Variants in RABGAP1L observed in about 807,000 individuals in gnomAD.
The protein encoded by RABGAP1L is rab GTPase-activating protein 1-like.
RABGAP1L carries 63 observed loss-of-function variants against 137.7 expected under a neutral mutation model. That is an observed-to-expected ratio of 0.46 (90% CI 0.37 to 0.56). The LOEUF (loss-of-function observed/expected upper bound fraction) is 0.56, where lower values mean the gene tolerates loss of function less well. RABGAP1L is among the 20% of genes least tolerant of loss of function. RABGAP1L has a pLI of 0.00. For synonymous variants in RABGAP1L, 431 were observed against 433.7 expected (o/e 0.99, Z 0.08); for missense variants, 1,095 against 1,244.0 (o/e 0.88, Z 1.80).
chr1:174,543,821 C>T (rs1045885289), intron 13 of RABGAP1L, among the ~76,000 whole-genome samples: 6 of 152,156 alleles, frequency 3.9e-5, no homozygotes, highest in Non-Finnish European at 8.8e-5. Flanking sequence ...ATTTGCTTGT[C>T]TGTAAAGGAT....
intron 19 of RABGAP1L, among the ~76,000 whole-genome samples, chr1:174,939,963 C>T (rs759144740): frequency 6.6e-6 from 1 of 152,182 alleles, no homozygotes. Context: ...CTGCTTTAGG[C>T]ATCTACTAAG....
chr1:174,579,294 G>A (rs930241773), intron 13 of RABGAP1L, among the ~76,000 whole-genome samples: 2 of 152,114 alleles, frequency 1.3e-5, no homozygotes, highest in Non-Finnish European at 2.9e-5. Context: ...GAGACCAGAT[G>A]ACTAGTAGGC....
intron 19 of RABGAP1L, among the ~76,000 whole-genome samples, chr1:174,918,362 C>T (rs1661218903): frequency 6.6e-6 from 1 of 152,112 alleles, no homozygotes; most frequent in Non-Finnish European, 1.5e-5. Context: ...TATCTATAAT[C>T]TGTACATTTC....
intron 21 of RABGAP1L, 111 bp from the exon 22 acceptor site, chr1:174,975,967 G>A: frequency 1.1e-6 from 1 of 941,498 alleles, no homozygotes. Flanking sequence ...ATAATGACTT[G>A]CAATAATTTT....
At chr1:174,559,228 T>A (rs1185556113) in intron 13 of RABGAP1L, among the ~76,000 whole-genome samples, 3 of 152,236 alleles carry the variant, frequency 2.0e-5, no homozygotes, top group Non-Finnish European at 2.9e-5. Context: ...GCTCATATTA[T>A]CATAAGTCTT....
At chr1:174,673,945 A>T (rs1024686921) in intron 14 of RABGAP1L, among the ~76,000 whole-genome samples, 4 of 152,196 alleles carry the variant, frequency 2.6e-5, no homozygotes, top group African/African-American at 9.6e-5. Context: ...GTCATCAATA[A>T]ATCCCATAGT....
intron 18 of RABGAP1L, among the ~76,000 whole-genome samples, chr1:174,771,315 C>T (rs1204005059): frequency 1.3e-5 from 2 of 152,060 alleles, no homozygotes; most frequent in Non-Finnish European, 2.9e-5. Flanking sequence ...TATGTCATGC[C>T]AGCTGTGTCA....
chr1:174,389,236 C>T (rs553050510), intron 12 of RABGAP1L, among the ~76,000 whole-genome samples: 4 of 152,084 alleles, frequency 2.6e-5, no homozygotes, highest in South Asian at 2.1e-4. Flanking sequence ...GAGAAATCTC[C>T]GACCTTTCTT....
At chr1:174,344,519 T>TA (rs1232574090) in intron 11 of RABGAP1L, among the ~76,000 whole-genome samples, 2 of 152,344 alleles carry the variant, frequency 1.3e-5, no homozygotes, top group East Asian at 3.9e-4. Context: ...ATTTAGTGAT[T>TA]ACCTTGGTGT....
chr1:174,984,016 G>T (rs551802475), intron 24 of RABGAP1L, among the ~76,000 whole-genome samples: 1 of 147,302 alleles, frequency 6.8e-6, no homozygotes, highest in East Asian at 2.0e-4. Context: ...GCATAAAGGG[G>T]TTAACTCTCC....
At chr1:174,672,802 T>A (rs954769463) in intron 14 of RABGAP1L, among the ~76,000 whole-genome samples, 3 of 152,184 alleles carry the variant, frequency 2.0e-5, no homozygotes, top group African/African-American at 7.2e-5. Context: ...AGTTTTATAC[T>A]ACGGTTGGAG....
chr1:174,677,413 A>G (rs1677723166), intron 14 of RABGAP1L, among the ~76,000 whole-genome samples: 1 of 152,202 alleles, frequency 6.6e-6, no homozygotes, highest in Non-Finnish European at 1.5e-5. Flanking sequence ...ATAGCATAAC[A>G]CCTCTGTTAC....
intron 13 of RABGAP1L, among the ~76,000 whole-genome samples, chr1:174,467,472 A>G (rs1464571620): frequency 1.3e-5 from 2 of 152,096 alleles, no homozygotes; most frequent in African/African-American, 4.8e-5. Flanking sequence ...TCACTTAGCC[A>G]TGATTCTCAG....
At chr1:174,324,982 TTAAG>T (rs986325448) in intron 11 of RABGAP1L, among the ~76,000 whole-genome samples, 6 of 152,172 alleles carry the variant, frequency 3.9e-5, no homozygotes, top group African/African-American at 7.2e-5. Flanking sequence ...AGAACAGTGT[TTAAG>T]TAACTCTTTT....
intron 13 of RABGAP1L, chr1:174,545,285 T>G (rs931290287): frequency 6.6e-6 from 1 of 151,942 alleles, no homozygotes; most frequent in Non-Finnish European, 1.5e-5. Flanking sequence ...TTTGTTTACC[T>G]ACTCAAGCTT....
chr1:174,903,958 A>AG (rs2149168677), intron 19 of RABGAP1L, among the ~76,000 whole-genome samples: 1 of 148,966 alleles, frequency 6.7e-6, no homozygotes, highest in East Asian at 1.9e-4. Context: ...CTCAAAAGAA[A>AG]AAAAAAAAAA....
intron 19 of RABGAP1L, among the ~76,000 whole-genome samples, chr1:174,866,988 T>G (rs563341835): frequency 1.1e-4 from 16 of 152,104 alleles, no homozygotes; most frequent in Admixed American, 6.5e-4. Flanking sequence ...CTGTGGAAAC[T>G]GAGGTGGGAG....
chr1:174,545,532 C>T (rs1665933027), intron 13 of RABGAP1L: 1 of 121,074 alleles, frequency 8.3e-6, no homozygotes. Flanking sequence ...AAAGGGAATT[C>T]CCCAACCCCT....
chr1:174,445,456 T>G (rs943677321), intron 13 of RABGAP1L, among the ~76,000 whole-genome samples: 4 of 152,170 alleles, frequency 2.6e-5, no homozygotes, highest in African/African-American at 9.6e-5. Flanking sequence ...CTATGCTCTT[T>G]TGAGATCATA....
Sources: gnomAD v4.1 joint callset for allele counts (sites outside exome capture counted in the v4.1 genomes callset) on GRCh38, gnomAD v4.1.1 for gene constraint, MANE v1.5 for transcripts, NCBI Gene and HGNC (gene_info 2026-07-23, HGNC 2026-07-21) for gene names.